CNTN5: variants seen among roughly 807,000 people sequenced by gnomAD.
CNTN5 encodes contactin 5.
Under a neutral mutation model 129.1 loss-of-function variants are expected in CNTN5, and 77 were observed. That is an observed-to-expected ratio of 0.60 (90% confidence interval 0.50 to 0.72). The LOEUF is 0.72. Among genes scored for constraint, CNTN5 ranks in the 30% least tolerant of loss-of-function variants. CNTN5 has a pLI of 0.00. For synonymous variants in CNTN5, 509 were observed against 465.6 expected (o/e 1.09, Z -1.20); for missense variants, 1,478 against 1,328.8 (o/e 1.11, Z -1.75).
At chr11:99,125,425 A>G (rs1345141545) in intron 1 of CNTN5, among the ~76,000 whole-genome samples, 1 of 152,088 alleles carries the variant, frequency 6.6e-6, no homozygotes, top group African/African-American at 2.4e-5. Context: ...AAAAACCCTC[A>G]ATATACTAGG....
intron 1 of CNTN5, among the ~76,000 whole-genome samples, chr11:99,111,067 A>G (rs1256694048): frequency 6.6e-6 from 1 of 152,140 alleles, no homozygotes; most frequent in Non-Finnish European, 1.5e-5. Flanking sequence ...GAAATTTAAA[A>G]TTGTGTCTAC....
chr11:99,628,611 GACACACACACACAC>G (rs10607009), intron 3 of CNTN5, among the ~76,000 whole-genome samples: 3 of 147,146 alleles, frequency 2.0e-5, no homozygotes, highest in East Asian at 2.0e-4. Flanking sequence ...GCTAAATAAT[GACACACACACACAC>G]ACACACACAC....
At chr11:100,309,288 A>G in intron 21 of CNTN5, 1 of 984,210 alleles carries the variant, frequency 1.0e-6, no homozygotes, top group Non-Finnish European at 1.2e-6. Flanking sequence ...ACAATGATCA[A>G]GTATAGGACT....
intron 18 of CNTN5, among the ~76,000 whole-genome samples, chr11:100,282,987 G>C (rs1384319971): frequency 2.6e-5 from 4 of 152,146 alleles, no homozygotes; most frequent in African/African-American, 9.7e-5. Flanking sequence ...CAGGGCAATG[G>C]GCTCCCTTCT....
intron 21 of CNTN5, among the ~76,000 whole-genome samples, chr11:100,312,341 A>G (rs1406929382): frequency 6.6e-6 from 1 of 151,958 alleles, no homozygotes; most frequent in Non-Finnish European, 1.5e-5. Flanking sequence ...AGCTATCAGG[A>G]TCTCTCTTTT....
rs190730822 is a variant in CNTN5 at position 99,187,341 on chromosome 11, C to A, written c.-209-138005C>A. ...AAGCAGTGGCACCCTAGATGTATAACCCTGCCCATCTACTGGGGTTTTGGA... is the reference window on the plus strand; with the variant it reads ...AAGCAGTGGCACCCTAGATGTATAAACCTGCCCATCTACTGGGGTTTTGGA... On this transcript the variant is annotated intron_variant, in intron 1 of 24. Transcript: ENST00000524871. Among the ~76,000 whole-genome samples, 40 of 151,692 alleles carry A rather than the reference C, an allele frequency of 2.6e-4. No homozygotes were observed. The East Asian group carries it at 6.2e-3, about 24-fold the overall frequency.
intron 1 of CNTN5, among the ~76,000 whole-genome samples, chr11:99,237,852 G>C (rs890672194): frequency 6.6e-6 from 1 of 151,928 alleles, no homozygotes; most frequent in Non-Finnish European, 1.5e-5. Flanking sequence ...CTTTACTCTT[G>C]CATTTTATCT....
At chr11:99,028,922 A>G (rs1477992181) in intron 1 of CNTN5, among the ~76,000 whole-genome samples, 1 of 151,808 alleles carries the variant, frequency 6.6e-6, no homozygotes, top group Non-Finnish European at 1.5e-5. Flanking sequence ...GTCATAGTAA[A>G]CATTATTTTA....
At chr11:100,198,569 G>C (rs1948703713) in intron 15 of CNTN5, among the ~76,000 whole-genome samples, 1 of 151,946 alleles carries the variant, frequency 6.6e-6, no homozygotes, top group African/African-American at 2.4e-5. Flanking sequence ...GGTGAGAAAA[G>C]ATATTGTTAT....
At chr11:99,723,760 GTA>G (rs2135045542) in intron 3 of CNTN5, among the ~76,000 whole-genome samples, 1 of 151,852 alleles carries the variant, frequency 6.6e-6, no homozygotes, top group East Asian at 1.9e-4. Flanking sequence ...TTGTGTGTGT[GTA>G]TGTGTGTGTG....
At chr11:99,474,601 C>A (rs1945299075) in intron 2 of CNTN5, among the ~76,000 whole-genome samples, 1 of 152,070 alleles carries the variant, frequency 6.6e-6, no homozygotes, top group East Asian at 1.9e-4. Flanking sequence ...AAGGAAAAAT[C>A]AATTTTTGTT....
At chr11:99,623,689 G>C (rs951671940) in intron 3 of CNTN5, among the ~76,000 whole-genome samples, 1 of 137,000 alleles carries the variant, frequency 7.3e-6, no homozygotes, top group African/African-American at 2.6e-5. Context: ...ATCTCAACTA[G>C]TTTTACCAAC....
chr11:99,613,381 G>A (rs535583393), intron 3 of CNTN5, among the ~76,000 whole-genome samples: 2 of 152,218 alleles, frequency 1.3e-5, no homozygotes, highest in East Asian at 1.9e-4. Context: ...CTTCTCTTTC[G>A]CCTTCCGCCA....
At chr11:99,328,333 T>G (rs764651470) in intron 2 of CNTN5, among the ~76,000 whole-genome samples, 1 of 152,036 alleles carries the variant, frequency 6.6e-6, no homozygotes, top group Non-Finnish European at 1.5e-5. Context: ...CTTTCAAGGG[T>G]CATGTGTCCA....
chr11:99,325,550 C>T (rs536626871), intron 2 of CNTN5, 66 bp downstream of exon 2: 4 of 152,254 alleles, frequency 2.6e-5, no homozygotes, highest in East Asian at 3.9e-4. Context: ...ATATAAGATT[C>T]ATGCATATCC....
intron 1 of CNTN5, among the ~76,000 whole-genome samples, chr11:99,040,738 T>G (rs1166795809): frequency 1.3e-5 from 2 of 152,158 alleles, no homozygotes; most frequent in Non-Finnish European, 2.9e-5. Flanking sequence ...GAATGATTTA[T>G]TCAAGGAACA....
intron 13 of CNTN5, among the ~76,000 whole-genome samples, chr11:100,187,199 G>T (rs2138483111): frequency 6.6e-6 from 1 of 152,206 alleles, no homozygotes; most frequent in South Asian, 2.1e-4. Flanking sequence ...CTTGCTTGTT[G>T]TGTATAGAAA....
chr11:100,020,692 A>C (rs1200518400), intron 9 of CNTN5, among the ~76,000 whole-genome samples: 2 of 152,138 alleles, frequency 1.3e-5, no homozygotes, highest in Non-Finnish European at 2.9e-5. Context: ...AGAGTCCAAC[A>C]AAAAGCTATT....
chr11:99,366,128 C>G (rs1040613790), intron 2 of CNTN5, among the ~76,000 whole-genome samples: 7 of 152,064 alleles, frequency 4.6e-5, no homozygotes, highest in Admixed American at 4.6e-4. Context: ...GTGGAATTAC[C>G]GAAAGCCTTA....
Sources: allele counts gnomAD v4.1 joint callset (sites outside exome capture counted in the v4.1 genomes callset), GRCh38; gene constraint gnomAD v4.1.1; transcripts MANE v1.5; gene names NCBI Gene and HGNC (gene_info 2026-07-23, HGNC 2026-07-21).